Variants in TENM4 observed in about 807,000 individuals in gnomAD.
The protein encoded by TENM4 is teneurin-4.
A neutral mutation model predicts 243.3 loss-of-function variants in TENM4; 82 were observed. The ratio of observed to expected loss-of-function variants is 0.34; its 90% CI spans 0.28 to 0.40. The LOEUF (loss-of-function observed/expected upper bound fraction) is 0.40. Ranked by LOEUF, TENM4 falls within the 10% of genes least tolerant of loss-of-function variation. The pLI is 1.00. For missense variants in TENM4, 3,138 were observed against 3,673.3 expected (o/e 0.85, Z 3.77); for synonymous variants, 1,412 against 1,456.3 (o/e 0.97, Z 0.69).
intron 1 of TENM4, among the ~76,000 whole-genome samples, chr11:79,433,135 G>A (rs1249174156): frequency 6.6e-6 from 1 of 152,108 alleles, no homozygotes; most frequent in East Asian, 1.9e-4. Flanking sequence ...AACTCCTCTT[G>A]ACATCCAGGG....
At chr11:79,249,055 A>T (rs905732345) in intron 2 of TENM4, among the ~76,000 whole-genome samples, 2 of 152,222 alleles carry the variant, frequency 1.3e-5, no homozygotes, top group African/African-American at 4.8e-5. Context: ...TTCAATTTTT[A>T]TTTAGCATCA....
At chr11:78,890,155 G>T in intron 8 of TENM4, 135 bp from the exon 9 acceptor site, 1 of 678,282 alleles carries the variant, frequency 1.5e-6, no homozygotes. Context: ...ACAGAGACCT[G>T]GGAAAGGACA....
chr11:79,170,002 C>T (rs1183674270), intron 3 of TENM4, among the ~76,000 whole-genome samples: 1 of 152,188 alleles, frequency 6.6e-6, no homozygotes, highest in Non-Finnish European at 1.5e-5. Context: ...GGTGCCTGGG[C>T]ATCTTTGCCC....
intron 3 of TENM4, among the ~76,000 whole-genome samples, chr11:79,153,333 C>T (rs978713738): frequency 9.2e-5 from 14 of 152,172 alleles, no homozygotes; most frequent in Non-Finnish European, 2.1e-4. Flanking sequence ...CAAAGCAGAT[C>T]ATTCTGATGA....
intron 4 of TENM4, among the ~76,000 whole-genome samples, chr11:79,132,452 G>A (rs1862029081): frequency 6.6e-6 from 1 of 151,262 alleles, no homozygotes; most frequent in South Asian, 2.1e-4. Flanking sequence ...CAGAAAGTCA[G>A]CAAAGAAGCA....
intron 1 of TENM4, among the ~76,000 whole-genome samples, chr11:79,301,445 C>T (rs984738824): frequency 2.0e-5 from 3 of 152,198 alleles, no homozygotes; most frequent in Admixed American, 2.0e-4. Flanking sequence ...ATGAACTCTT[C>T]AGGCTTCTCG....
At chr11:79,329,207 T>C (rs994021969) in intron 1 of TENM4, among the ~76,000 whole-genome samples, 1 of 152,178 alleles carries the variant, frequency 6.6e-6, no homozygotes, top group African/African-American at 2.4e-5. Flanking sequence ...TGTTCCGTCG[T>C]CTCCAGATCT....
At position 78,899,566 on chromosome 11, in the gene TENM4, G is replaced by GGC. The variant is rs1555098944; in HGVS notation, c.749+3701_749+3702insGC. Among the ~76,000 whole-genome samples, 14 of 126,636 alleles carry GGC rather than the reference G, an allele frequency of 1.1e-4. 1 individual carries two copies. Among genetic ancestry groups the GGC allele is most frequent in the Non-Finnish European group, 1.6e-4 (9 of 58,028 alleles). The allele number at this position is 126,636 out of a possible 152,430, so 83.1% of individuals were successfully genotyped here. ...GCACTCTGTCTCAAAAAGCGGGGGG[G>GGC]GGGGGAAAAAGAAAAAAGAAAGAAA... On this transcript the variant is annotated intron_variant, in intron 7 of 33. Transcript: ENST00000278550.
chr11:78,760,352 C>T (rs1201185597), intron 18 of TENM4, among the ~76,000 whole-genome samples: 1 of 152,138 alleles, frequency 6.6e-6, no homozygotes, highest in Non-Finnish European at 1.5e-5. Context: ...GATTTGGACC[C>T]CAGTTCCCAA....
intron 10 of TENM4, among the ~76,000 whole-genome samples, chr11:78,856,669 T>G (rs1229516849): frequency 6.6e-6 from 1 of 151,900 alleles, no homozygotes; most frequent in East Asian, 1.9e-4. Context: ...GCTCACTAAT[T>G]TGTGTATACA....
intron 1 of TENM4, among the ~76,000 whole-genome samples, chr11:79,385,203 CAGATT>C (rs1858087549): frequency 6.6e-6 from 1 of 152,152 alleles, no homozygotes. Context: ...TCCAGATGCC[CAGATT>C]GCTGCCAAGA....
chr11:79,287,400 G>A (rs138583208), intron 2 of TENM4, among the ~76,000 whole-genome samples: 25 of 152,262 alleles, frequency 1.6e-4, no homozygotes, highest in Middle Eastern at 3.4e-3. Flanking sequence ...GTGAGAAAGC[G>A]TGCCAGATGA....
chr11:79,252,968 G>T (rs569911048), intron 2 of TENM4, among the ~76,000 whole-genome samples: 1 of 152,282 alleles, frequency 6.6e-6, no homozygotes, highest in Non-Finnish European at 1.5e-5. Flanking sequence ...CAGTACAGTT[G>T]CTTAATACAT....
chr11:78,979,231 C>T (rs1857735618), intron 6 of TENM4, among the ~76,000 whole-genome samples: 2 of 152,126 alleles, frequency 1.3e-5, no homozygotes, highest in African/African-American at 4.8e-5. Context: ...ATCCTGCCTG[C>T]TTAGTTCTCA....
At chr11:78,994,522 G>A (rs1353988992) in intron 6 of TENM4, among the ~76,000 whole-genome samples, 1 of 152,218 alleles carries the variant, frequency 6.6e-6, no homozygotes, top group Non-Finnish European at 1.5e-5. Flanking sequence ...TGTAACTTGT[G>A]TAGTTTTCTA....
chr11:78,704,358 T>C (rs1329840143), intron 27 of TENM4, among the ~76,000 whole-genome samples: 1 of 151,838 alleles, frequency 6.6e-6, no homozygotes, highest in Non-Finnish European at 1.5e-5. Flanking sequence ...TCCAGGAATT[T>C]ACTTTTGTAT....
intron 6 of TENM4, among the ~76,000 whole-genome samples, chr11:78,975,922 A>G (rs913064964): frequency 1.3e-5 from 2 of 152,044 alleles, no homozygotes; most frequent in African/African-American, 4.8e-5. Context: ...AAGTGTGAAG[A>G]CTTCTCCAGC....
intron 6 of TENM4, among the ~76,000 whole-genome samples, chr11:79,027,910 G>A (rs1859122940): frequency 6.6e-6 from 1 of 152,150 alleles, no homozygotes; most frequent in South Asian, 2.1e-4. Context: ...TAGGTACTAT[G>A]AAGCCCATTT....
chr11:79,384,120 G>T (rs867159708), intron 1 of TENM4, among the ~76,000 whole-genome samples: 1 of 152,140 alleles, frequency 6.6e-6, no homozygotes, highest in East Asian at 1.9e-4. Flanking sequence ...TTCATTCAGT[G>T]CCACAGCAGT....
Sources: gnomAD v4.1 joint callset for allele counts (sites outside exome capture counted in the v4.1 genomes callset) on GRCh38, gnomAD v4.1.1 for gene constraint, MANE v1.5 for transcripts, NCBI Gene and HGNC (gene_info 2026-07-23, HGNC 2026-07-21) for gene names.